Variants in RARS1 observed in about 807,000 individuals in gnomAD.
The protein encoded by RARS1 is arginine--tRNA ligase, cytoplasmic.
RARS1 carries 75 observed loss-of-function variants against 78.7 expected under a neutral mutation model. The observed-to-expected ratio is 0.95, with a 90% CI of 0.79 to 1.15. The LOEUF (loss-of-function observed/expected upper bound fraction) is 1.15. Among genes scored for constraint, RARS1 ranks in the 50% most tolerant of loss-of-function variants. The pLI is 0.00. For missense variants in RARS1, 787 were observed against 787.5 expected, an observed-to-expected ratio of 1.00 and a Z score of 0.01; for synonymous variants, 273 against 268.2, an observed-to-expected ratio of 1.02 and a Z score of -0.18.
rs750812686 is a variant in RARS1 at position 168,506,112 on chromosome 5, C to G, written c.1149C>G (p.Thr383=). 2 of 1,601,786 alleles carry G rather than the reference C, an allele frequency of 1.2e-6. No individual in the cohort carries two copies. The highest frequency in any genetic ancestry group is 2.7e-5 in the African/African-American group (2 of 74,360). The change falls in exon 10 of 15, where the codon ACC becomes ACG. Residue 383 remains threonine, a synonymous_variant. Transcript: ENST00000231572. ...TAGTAAAATCAGATGGAGGTTATAC[C>G]TATGATACATCTGACCTGGCTGCTA... ...LTIVKSDGGY[T]YDTSDLAAIK...
chr5:168,519,139 C>CA lies in RARS1; in HGVS notation c.1933dup (p.Met645AsnfsTer6), dbSNP rs746339795. 6.2e-7 allele frequency: 1 copy of CA among 1,614,086 alleles called. No individual in the cohort carries two copies. The highest frequency in any genetic ancestry group is 8.5e-7 in the Non-Finnish European group (1 of 1,179,988). ...TGCTATGTGAAGCAGTAGCTGCTGT[C>CA]ATGGCCAAGGGGTTTGATATCCTGG... On this transcript the variant is annotated frameshift_variant, in exon 15 of 15. Coordinates refer to ENST00000231572, the MANE Select transcript of RARS1 (RefSeq NM_002887.4). LOFTEE classifies it high-confidence loss of function.
At chr5:168,488,807 A>G in intron 2 of RARS1, 71 bp downstream of exon 2, 1 of 1,465,342 alleles carries the variant, frequency 6.8e-7, no homozygotes, top group Non-Finnish European at 9.2e-7. Context: ...CTTTGTTACC[A>G]AAGATTCTGG....
At chr5:168,500,149 T>A (rs1045687633) in intron 7 of RARS1, among the ~76,000 whole-genome samples, 1 of 79,020 alleles carries the variant, frequency 1.3e-5, no homozygotes, top group Non-Finnish European at 2.5e-5. Flanking sequence ...ATCATGCCAC[T>A]CCAGCCACTC....
rs1404935244 is a variant in RARS1 at position 168,495,347 on chromosome 5, T to G, written c.612T>G (p.Ala204=). 1.9e-6 allele frequency: 3 copies of G among 1,613,910 alleles called. No homozygotes were observed. Among genetic ancestry groups the G allele is most frequent in the African/African-American group, 1.3e-5 (1 of 74,922 alleles). The change falls in exon 6 of 15, where the codon GCT becomes GCG. Residue 204 remains alanine, a synonymous_variant. Coordinates refer to ENST00000231572, the MANE Select transcript of RARS1 (RefSeq NM_002887.4). ...TTGACTTTTCCTCCCCTAATATAGC[T>G]AAAGAGATGCATGTAGGCCACCTGA... ...VIVDFSSPNI[A]KEMHVGHLRS...
rs147649300 is a variant in RARS1 at position 168,516,763 on chromosome 5, T to G, written c.1453-15T>G. ...AGTCAGTAAGCTATGAAATACTGTT[T>G]TGTTTTTCCCAAAGGTCTTAACTGC... On this transcript the variant is annotated splice_polypyrimidine_tract_variant and intron_variant, in intron 12 of 14. Transcript: ENST00000231572. The G allele has an allele frequency of 2.6e-4, 416 of 1,613,524 alleles. 1 individual carries two copies. The East Asian group carries it at 6.7e-3, about 26-fold the overall frequency.
rs574689275 is a variant in RARS1, at chr5:168,493,415, C to T, written c.370-479C>T. Among the ~76,000 whole-genome samples, 18 of 152,172 alleles carry T rather than the reference C, an allele frequency of 1.2e-4. No individual in the cohort carries two copies. In the South Asian group the frequency reaches 3.1e-3, roughly 26 times the overall value. ...TTATTTCTCAAGTGTGAATATTGCACACCTTCATGGCTTGAAAATTAGAAA... is the reference window on the plus strand; with the variant it reads ...TTATTTCTCAAGTGTGAATATTGCATACCTTCATGGCTTGAAAATTAGAAA... On this transcript the variant is annotated intron_variant, in intron 3 of 14. Coordinates refer to ENST00000231572, the MANE Select transcript of RARS1 (RefSeq NM_002887.4).
chr5:168,518,488 A>G (rs1489966205), intron 14 of RARS1, among the ~76,000 whole-genome samples: 4 of 152,180 alleles, frequency 2.6e-5, no homozygotes, highest in African/African-American at 9.6e-5. Context: ...ATGGAACCTT[A>G]GGACTCCAAA....
chr5:168,486,506 T>C lies in RARS1; in HGVS notation c.8T>C (p.Val3Ala), dbSNP rs1205277225. The C allele has an allele frequency of 5.8e-6, 9 of 1,558,918 alleles. No homozygotes were observed. The East Asian group carries it at 1.4e-4, about 25-fold the overall frequency. MD[V>A]LVSECSARLL... ...TGAGACGCTGATGGGAGGATGGACG[T>C]ACTGGTGTCTGAGTGCTCCGCGCGG... Residue 3 changes from valine (V) to alanine (A), a missense_variant, in exon 1 of 15, where the codon GTA becomes GCA. By Grantham distance (64) the Val-to-Ala change is moderately conservative. Coordinates refer to ENST00000231572, the MANE Select transcript of RARS1 (RefSeq NM_002887.4).
In RARS1 at chr5:168,495,445, T is replaced by C. The variant is rs905129358; in HGVS notation, c.701+9T>C. 1.1e-5 allele frequency: 18 copies of C among 1,609,174 alleles called. No individual in the cohort carries two copies. Among genetic ancestry groups the C allele is most frequent in the Non-Finnish European group, 1.4e-5 (16 of 1,177,162 alleles). ...GGGTATGACGTGCTCAGGTATGTGC[T>C]CTTGCCTTGCGTACTATTCTCTTTC... On this transcript the variant is annotated intron_variant, in intron 6 of 14. Coordinates refer to ENST00000231572, the MANE Select transcript of RARS1 (RefSeq NM_002887.4).
intron 12 of RARS1, among the ~76,000 whole-genome samples, chr5:168,512,875 C>T (rs1192791212): frequency 2.0e-5 from 3 of 152,196 alleles, no homozygotes; most frequent in Non-Finnish European, 4.4e-5. Flanking sequence ...TACTTCGTAT[C>T]CTTCAGTCCA....
At chr5:168,517,743 G>T (rs1342347615) in intron 13 of RARS1, 72 bp from the exon 14 acceptor site, 3 of 1,100,934 alleles carry the variant, frequency 2.7e-6, no homozygotes, top group East Asian at 3.2e-5. Flanking sequence ...TGATAATTTC[G>T]AGTGGAGAAT....
intron 11 of RARS1, among the ~76,000 whole-genome samples, chr5:168,507,627 A>G (rs540598907): frequency 2.0e-5 from 3 of 152,362 alleles, no homozygotes; most frequent in African/African-American, 7.2e-5. Context: ...TAAAAGGCAG[A>G]TGAGATGTGT....
intron 12 of RARS1, among the ~76,000 whole-genome samples, chr5:168,512,734 C>G (rs72830975): frequency 1.3e-5 from 2 of 152,170 alleles, no homozygotes; most frequent in South Asian, 4.1e-4. Flanking sequence ...ACGTTTTTCT[C>G]CCTGCTTTAT....
At chr5:168,490,089 C>T (rs1758050449) in intron 2 of RARS1, among the ~76,000 whole-genome samples, 1 of 152,204 alleles carries the variant, frequency 6.6e-6, no homozygotes, top group South Asian at 2.1e-4. Flanking sequence ...GCTGGGATTA[C>T]AGGCGTGAGC....
chr5:168,502,230 C>T, intron 9 of RARS1, 125 bp downstream of exon 9: 2 of 1,350,972 alleles, frequency 1.5e-6, no homozygotes, highest in South Asian at 1.8e-5. Flanking sequence ...GGGTACTGAC[C>T]AACCTTATTG....
chr5:168,493,965 C>G lies in RARS1; in HGVS notation c.441C>G (p.Asp147Glu), dbSNP rs1758133843. 6.2e-7 allele frequency: 1 copy of G among 1,612,722 alleles called. No homozygotes were observed. Among genetic ancestry groups the G allele is most frequent in the South Asian group, 1.1e-5 (1 of 91,026 alleles). The change falls in exon 4 of 15, where the codon GAC becomes GAG. Residue 147 changes from aspartate to glutamate, a missense_variant. Transcript: ENST00000231572. ...AAAACATTACCAAACACCTCCCAGACAATGAATGTATTGAAAAAGTTGAAA... is the reference window on the plus strand; with the variant it reads ...AAAACATTACCAAACACCTCCCAGAGAATGAATGTATTGAAAAAGTTGAAA... ...IAENITKHLP[D>E]NECIEKVEIA...
intron 5 of RARS1, 68 bp downstream of exon 5, chr5:168,494,718 GT>G: frequency 9.0e-7 from 1 of 1,115,548 alleles, no homozygotes; most frequent in Non-Finnish European, 1.3e-6. Context: ...ATGGTGGTAT[GT>G]GCCTATAGTC....
chr5:168,498,245 T>C (rs1758240551), intron 7 of RARS1, among the ~76,000 whole-genome samples: 1 of 151,756 alleles, frequency 6.6e-6, no homozygotes, highest in Non-Finnish European at 1.5e-5. Context: ...GATAAAATTA[T>C]ATTAAAAAAA....
chr5:168,492,804 A>T lies in RARS1; in HGVS notation c.326A>T (p.Lys109Met). The change falls in exon 3 of 15, where the codon AAG (lysine) becomes ATG (methionine). Residue 109 changes from lysine to methionine, a missense_variant. By Grantham distance (95) the Lys-to-Met change is moderately conservative. Coordinates refer to ENST00000231572, the MANE Select transcript of RARS1 (RefSeq NM_002887.4). ...CTAGTGACACCAAGTCAGCAGGCCA[A>T]GTTTGGGGACTATCAGTGTAATAGT... ...PLLVTPSQQA[K>M]FGDYQCNSAM... The T allele has an allele frequency of 3.7e-6, 6 of 1,613,912 alleles. No homozygotes were observed. The highest frequency in any genetic ancestry group is 5.1e-6 in the Non-Finnish European group (6 of 1,179,804).
Sources: allele counts gnomAD v4.1 joint callset (sites outside exome capture counted in the v4.1 genomes callset), GRCh38; gene constraint gnomAD v4.1.1; transcripts MANE v1.5; gene names NCBI Gene and HGNC (gene_info 2026-07-23, HGNC 2026-07-21).